PAPPA: variants seen among roughly 807,000 people sequenced by gnomAD.
PAPPA encodes pappalysin 1.
In PAPPA, 60 loss-of-function variants were observed where a neutral mutation model predicts 164.0. That is an observed-to-expected ratio of 0.37 (90% CI 0.30 to 0.45). PAPPA has a LOEUF of 0.45. Among genes scored for constraint, PAPPA ranks in the 20% least tolerant of loss-of-function variants. The pLI, the probability that PAPPA is intolerant of heterozygous loss-of-function variation, is 1.00. For missense variants in PAPPA, 1,782 were observed against 2,087.3 expected (o/e 0.85, Z 2.85); for synonymous variants, 875 against 814.1 (o/e 1.07, Z -1.27).
chr9:116,269,741 C>A (rs1845115673), intron 8 of PAPPA, among the ~76,000 whole-genome samples: 1 of 152,182 alleles, frequency 6.6e-6, no homozygotes, highest in South Asian at 2.1e-4. Flanking sequence ...AGCTTTGTGG[C>A]TTAGGGAACC....
chr9:116,381,262 A>G (rs1031859231), intron 20 of PAPPA, among the ~76,000 whole-genome samples: 4 of 152,168 alleles, frequency 2.6e-5, no homozygotes, highest in Non-Finnish European at 2.9e-5. Flanking sequence ...GGTTTTCTCA[A>G]TCCCTGCCAA....
intron 17 of PAPPA, among the ~76,000 whole-genome samples, chr9:116,360,514 G>A (rs1347670747): frequency 6.6e-6 from 1 of 152,094 alleles, no homozygotes; most frequent in Non-Finnish European, 1.5e-5. Context: ...TCACATAGGG[G>A]AGCCTCAGCC....
intron 1 of PAPPA, among the ~76,000 whole-genome samples, chr9:116,160,875 G>C (rs762087278): frequency 4.6e-5 from 7 of 152,214 alleles, no homozygotes; most frequent in Admixed American, 6.5e-5. Flanking sequence ...CTGTAAGTGG[G>C]AATTAGGAGG....
chr9:116,384,845 GT>G (rs1362128632), intron 21 of PAPPA, among the ~76,000 whole-genome samples: 2 of 152,174 alleles, frequency 1.3e-5, no homozygotes, highest in Non-Finnish European at 2.9e-5. Context: ...TGAAATAGAA[GT>G]TTTTACAGAA....
chr9:116,325,230 T>G (rs921360420), intron 10 of PAPPA, among the ~76,000 whole-genome samples: 7 of 152,072 alleles, frequency 4.6e-5, no homozygotes, highest in Non-Finnish European at 8.8e-5. Context: ...CTTGAAAGGA[T>G]TTTTCAAAGC....
chr9:116,329,929 CA>C (rs1845968327), intron 10 of PAPPA, among the ~76,000 whole-genome samples: 1 of 152,226 alleles, frequency 6.6e-6, no homozygotes, highest in Admixed American at 6.5e-5. Context: ...AACAGGAGAA[CA>C]TATAGACTAT....
At position 116,231,525 on chromosome 9, in the gene PAPPA, C is replaced by T. The variant is rs181585226; in HGVS notation, c.2234-3614C>T. On this transcript the variant is annotated intron_variant, in intron 6 of 21. Transcript: ENST00000328252. The stretch of plus-strand genomic sequence containing the variant: ...TTGTCTGCGTTAGTCCAATACTCTC[C>T]TAACTAGTCTTGCAAGACTAAAAGC... Among the ~76,000 whole-genome samples the T allele has an allele frequency of 4.1e-3, 624 of 152,188 alleles. 1 individual carries two copies. The highest frequency in any genetic ancestry group is 6.8e-3 in the Non-Finnish European group (460 of 68,012).
Position 116,227,972 on chromosome 9 carries a change from T to C in PAPPA, c.2233+420T>C, listed in dbSNP as rs563178107. Among the ~76,000 whole-genome samples, 2 of 152,318 alleles carry C rather than the reference T, an allele frequency of 1.3e-5. 1 individual carries two copies. Among genetic ancestry groups the C allele is most frequent in the South Asian group, 4.1e-4 (2 of 4,822 alleles). ...TCTTCTTCTGTTATTTCTTAGACTA[T>C]ACAGAGCACTTTCACATGTGTTGCA... On this transcript the variant is annotated intron_variant, in intron 6 of 21. Transcript: ENST00000328252.
intron 15 of PAPPA, among the ~76,000 whole-genome samples, chr9:116,349,058 C>A (rs1284871145): frequency 1.3e-5 from 2 of 152,104 alleles, no homozygotes; most frequent in Non-Finnish European, 2.9e-5. Flanking sequence ...TCTATTTGTA[C>A]CTCTTGTCCT....
chr9:116,303,491 A>AT (rs1845606369), intron 10 of PAPPA, among the ~76,000 whole-genome samples: 1 of 152,282 alleles, frequency 6.6e-6, no homozygotes, highest in East Asian at 1.9e-4. Flanking sequence ...TATGTGCCAC[A>AT]GTTCTTCCCC....
At chr9:116,155,902 C>CTT (rs544306108) in intron 1 of PAPPA, among the ~76,000 whole-genome samples, 10 of 147,568 alleles carry the variant, frequency 6.8e-5, no homozygotes, top group South Asian at 4.3e-4. Flanking sequence ...GCTATTTTTC[C>CTT]TTTTTTTTTT....
At chr9:116,319,224 A>G (rs1845823566) in intron 10 of PAPPA, among the ~76,000 whole-genome samples, 1 of 152,158 alleles carries the variant, frequency 6.6e-6, no homozygotes, top group Admixed American at 6.5e-5. Context: ...CCAGGCCTTT[A>G]ATGGCAGCAG....
At chr9:116,303,147 T>G (rs1419789508) in intron 10 of PAPPA, among the ~76,000 whole-genome samples, 197 bp downstream of exon 10, 1 of 152,214 alleles carries the variant, frequency 6.6e-6, no homozygotes, top group Non-Finnish European at 1.5e-5. Context: ...GAACATTGTA[T>G]GATAGGGTAA....
intron 9 of PAPPA, chr9:116,287,467 A>T (rs938841273): frequency 1.3e-5 from 2 of 152,236 alleles, no homozygotes; most frequent in East Asian, 1.9e-4. Flanking sequence ...GAGAGGGAAC[A>T]TGGTCCACTC....
rs1056552195 is a variant in PAPPA at position 116,362,720 on chromosome 9, C to T, written c.4476C>T (p.Cys1492=). The T allele has an allele frequency of 4.3e-6, 7 of 1,613,620 alleles. No homozygotes were observed. Among genetic ancestry groups the T allele is most frequent in the Non-Finnish European group, 5.9e-6 (7 of 1,179,828 alleles). Residue 1492 remains cysteine, a synonymous_variant, in exon 18 of 22, where the codon TGC becomes TGT. Coordinates refer to ENST00000328252, the MANE Select transcript of PAPPA (RefSeq NM_002581.5). ...TCAACAGCAACCTCAAACTGCAGTG[C>T]CCTGATGGCTATGCCATAGGTATGA... is the stretch of plus-strand genomic sequence containing the variant. The part of the protein sequence containing the change: ...NELNSNLKLQ[C]PDGYAIGSEC...
At position 116,227,422 on chromosome 9, in the gene PAPPA, G is replaced by A; in HGVS notation, c.2112-9G>A. 6.2e-7 allele frequency: 1 copy of A among 1,613,856 alleles called. No individual in the cohort carries two copies. On this transcript the variant is annotated splice_polypyrimidine_tract_variant and intron_variant, in intron 5 of 21. Transcript: ENST00000328252. ...TCGGTGCATTTTCCCTCTTTCCTTG[G>A]CCTCCTAGAGAATTGGGATCAGCAT...
chr9:116,254,987 A>T (rs1419158684), intron 7 of PAPPA, among the ~76,000 whole-genome samples: 2 of 151,828 alleles, frequency 1.3e-5, no homozygotes, highest in Admixed American at 1.3e-4. Context: ...GTCACTTCCC[A>T]GTCTTTTTTT....
chr9:116,336,541 T>C (rs1846064026), intron 13 of PAPPA, among the ~76,000 whole-genome samples: 2 of 152,178 alleles, frequency 1.3e-5, no homozygotes, highest in African/African-American at 4.8e-5. Context: ...CACAACACTT[T>C]CCCATTTTTA....
intron 19 of PAPPA, among the ~76,000 whole-genome samples, chr9:116,372,254 T>C (rs1398534188): frequency 6.6e-6 from 1 of 152,208 alleles, no homozygotes; most frequent in Non-Finnish European, 1.5e-5. Context: ...AACACAGTTG[T>C]TGTTTTTCTG....
Sources: gnomAD v4.1 joint callset for allele counts (sites outside exome capture counted in the v4.1 genomes callset) on GRCh38, gnomAD v4.1.1 for gene constraint, MANE v1.5 for transcripts, NCBI Gene and HGNC (gene_info 2026-07-23, HGNC 2026-07-21) for gene names.